The following SNTG2 variants were observed in gnomAD, a reference collection of about 807,000 sequenced individuals.
The protein encoded by SNTG2 is gamma-2-syntrophin.
A neutral mutation model predicts 70.9 loss-of-function variants in SNTG2; 74 were observed. The ratio of observed to expected loss-of-function variants is 1.04; its 90% CI spans 0.86 to 1.27. The LOEUF (loss-of-function observed/expected upper bound fraction) is 1.27. Ranked by LOEUF, SNTG2 falls within the 50% of genes most tolerant of loss-of-function variation. The pLI, the probability that SNTG2 is intolerant of heterozygous loss-of-function variation, is 0.00. For missense variants in SNTG2, 717 were observed against 690.7 expected (o/e 1.04, Z -0.43); for synonymous variants, 278 against 273.8 (o/e 1.02, Z -0.15).
chr2:1,315,907 C>T (rs889044777), intron 15 of SNTG2, among the ~76,000 whole-genome samples: 1 of 151,998 alleles, frequency 6.6e-6, no homozygotes, highest in Non-Finnish European at 1.5e-5. Flanking sequence ...GAAAAAGGAA[C>T]AATGCTCATA....
intron 1 of SNTG2, among the ~76,000 whole-genome samples, chr2:969,066 T>C (rs140288111): frequency 1.3e-5 from 2 of 152,340 alleles, no homozygotes; most frequent in Middle Eastern, 3.4e-3. Flanking sequence ...GGGTCCAGTT[T>C]CAATCTTCTC....
intron 1 of SNTG2, among the ~76,000 whole-genome samples, chr2:1,000,284 G>C (rs1474138287): frequency 1.3e-5 from 2 of 151,370 alleles, no homozygotes; most frequent in African/African-American, 4.8e-5. Context: ...AAAGATAAAA[G>C]CAAAACCAAA....
intron 16 of SNTG2, among the ~76,000 whole-genome samples, chr2:1,365,170 G>A (rs1160048108): frequency 1.3e-5 from 2 of 151,972 alleles, no homozygotes; most frequent in Non-Finnish European, 2.9e-5. Context: ...TATGATTGGC[G>A]AATCCAGCTT....
intron 8 of SNTG2, among the ~76,000 whole-genome samples, chr2:1,208,375 C>T (rs1558532252): frequency 6.6e-6 from 1 of 152,164 alleles, no homozygotes; most frequent in Non-Finnish European, 1.5e-5. Context: ...GGGGCGGCAG[C>T]ACCTGGTTCA....
intron 1 of SNTG2, among the ~76,000 whole-genome samples, chr2:976,278 G>T (rs979997794): frequency 6.6e-5 from 10 of 152,194 alleles, no homozygotes; most frequent in African/African-American, 2.4e-4. Flanking sequence ...TAACATTTGT[G>T]TTTGAGTGGT....
In SNTG2 at chr2:983,941, G is replaced by T. The variant is rs56254776; in HGVS notation, c.72+32873G>T. Among the ~76,000 whole-genome samples the T allele has an allele frequency of 3.6e-3, 550 of 152,308 alleles. 2 individuals carry two copies. Among genetic ancestry groups the T allele is most frequent in the African/African-American group, 0.013 (532 of 41,574 alleles). On this transcript the variant is annotated intron_variant, in intron 1 of 16. Transcript: ENST00000308624. The stretch of plus-strand genomic sequence containing the variant: ...TCGGGCTCCACACAGCATGGCCTCT[G>T]AGATGTCTGTGTCCCTGTGTCCCTG...
chr2:1,035,958 A>G (rs556150244), intron 1 of SNTG2, among the ~76,000 whole-genome samples: 6 of 152,354 alleles, frequency 3.9e-5, no homozygotes, highest in African/African-American at 1.2e-4. Context: ...ATCATTAAAC[A>G]TCATAATTGT....
intron 1 of SNTG2, among the ~76,000 whole-genome samples, chr2:1,076,886 T>G (rs73908683): frequency 0.018 from 2,685 of 152,280 alleles, 94 homozygotes; most frequent in African/African-American, 0.062. Context: ...CATAAATTAT[T>G]AATGTTTTGA....
At chr2:1,172,415 G>C in intron 7 of SNTG2, among the ~76,000 whole-genome samples, 1 of 152,192 alleles carries the variant, frequency 6.6e-6, no homozygotes, top group South Asian at 2.1e-4. Flanking sequence ...CACTCTTATA[G>C]TCCAGCCTGA....
At chr2:959,959 G>A (rs796751835) in intron 1 of SNTG2, among the ~76,000 whole-genome samples, 3 of 151,914 alleles carry the variant, frequency 2.0e-5, no homozygotes, top group African/African-American at 7.2e-5. Context: ...GCTTTTTCTG[G>A]TGTATATTCT....
intron 8 of SNTG2, among the ~76,000 whole-genome samples, chr2:1,182,534 A>AT (rs1410370164): frequency 6.6e-6 from 1 of 152,178 alleles, no homozygotes; most frequent in Non-Finnish European, 1.5e-5. Context: ...TATAATAATA[A>AT]AAATAAATAA....
intron 15 of SNTG2, among the ~76,000 whole-genome samples, chr2:1,312,506 G>A (rs1459289437): frequency 6.6e-6 from 1 of 152,202 alleles, no homozygotes; most frequent in Non-Finnish European, 1.5e-5. Flanking sequence ...CCTGGGTCCA[G>A]GAGGGGTGCC....
chr2:1,142,189 G>A (rs555596395), intron 6 of SNTG2, among the ~76,000 whole-genome samples: 6 of 152,236 alleles, frequency 3.9e-5, no homozygotes, highest in African/African-American at 9.6e-5. Context: ...TTTCACCTAC[G>A]CAAATCAATT....
chr2:1,017,872 A>T (rs565121072), intron 1 of SNTG2, among the ~76,000 whole-genome samples: 1 of 152,276 alleles, frequency 6.6e-6, no homozygotes, highest in Non-Finnish European at 1.5e-5. Flanking sequence ...GGTGTTCTAC[A>T]AATGCGGATG....
intron 1 of SNTG2, among the ~76,000 whole-genome samples, chr2:1,012,528 G>A (rs1473962895): frequency 6.6e-6 from 1 of 152,022 alleles, no homozygotes; most frequent in Non-Finnish European, 1.5e-5. Context: ...CAGAGAGAAG[G>A]GTGATCTAGA....
intron 16 of SNTG2, among the ~76,000 whole-genome samples, chr2:1,322,020 G>A (rs375409215): frequency 2.0e-5 from 3 of 151,560 alleles, no homozygotes; most frequent in African/African-American, 4.8e-5. Flanking sequence ...AGGCTGGATA[G>A]TCGATTCATT....
At chr2:1,156,733 C>A (rs1226974959) in intron 6 of SNTG2, among the ~76,000 whole-genome samples, 4 of 152,058 alleles carry the variant, frequency 2.6e-5, no homozygotes, top group African/African-American at 9.7e-5. Flanking sequence ...CGGCTGGAGA[C>A]AGTAAGGTGA....
chr2:983,107 C>G (rs1327996904), intron 1 of SNTG2, among the ~76,000 whole-genome samples: 6 of 144,748 alleles, frequency 4.1e-5, no homozygotes, highest in African/African-American at 1.6e-4. Context: ...AGGCTCTCTT[C>G]TGTAGAAGTT....
chr2:1,175,299 C>T (rs1671398988), intron 8 of SNTG2, among the ~76,000 whole-genome samples: 1 of 152,170 alleles, frequency 6.6e-6, no homozygotes, highest in African/African-American at 2.4e-5. Flanking sequence ...TTCTATTGGT[C>T]AATATCAATG....
Sources: allele counts gnomAD v4.1 joint callset (sites outside exome capture counted in the v4.1 genomes callset), GRCh38; gene constraint gnomAD v4.1.1; transcripts MANE v1.5; gene names NCBI Gene and HGNC (gene_info 2026-07-23, HGNC 2026-07-21).